Variants in DCAF8L2 observed in about 807,000 individuals in gnomAD.
DCAF8L2 encodes DDB1- and CUL4-associated factor 8-like protein 2.
For synonymous variants in DCAF8L2, 200 were observed against 190.9 expected (o/e 1.05, Z -0.39); for missense variants, 430 against 490.7 (o/e 0.88, Z 1.17).
chrX:27,691,939 G>A (rs1327832060), intron 3 of DCAF8L2, among the ~76,000 whole-genome samples: 1 of 111,856 alleles, frequency 8.9e-6, no homozygotes, highest in East Asian at 2.8e-4. Context: ...ATTTAGATTC[G>A]AGTTTTGAAA....
the DCAF8L2 span, among the ~76,000 whole-genome samples, chrX:27,569,747 A>G: frequency 1.8e-5 from 2 of 112,005 alleles, no homozygotes; most frequent in Admixed American, 1.9e-4. Flanking sequence ...CATGACACAA[A>G]CATAATAGGG....
chrX:27,743,386 G>A (rs1921972538), intron 4 of DCAF8L2, among the ~76,000 whole-genome samples: 1 of 110,203 alleles, frequency 9.1e-6, no homozygotes, highest in South Asian at 3.9e-4. Flanking sequence ...GACATGTGCT[G>A]TTTACAAATA....
chrX:27,472,347 C>G, the DCAF8L2 span, among the ~76,000 whole-genome samples: 1 of 111,882 alleles, frequency 8.9e-6, no homozygotes. Flanking sequence ...TGATCTCTCT[C>G]CCTTAAAGTA....
At chrX:27,549,363 TTAAC>T in the DCAF8L2 span, among the ~76,000 whole-genome samples, 1 of 109,221 alleles carries the variant, frequency 9.2e-6, no homozygotes, top group Non-Finnish European at 1.9e-5. Context: ...ATAATGATAT[TTAAC>T]TAACTGCCAT....
At position 27,704,217 on chromosome X, in the gene DCAF8L2, C is replaced by T. The variant is rs757247896; in HGVS notation, c.-142-11871C>T. ...ATGTATATACACATGTACACACGCG[C>T]GCACATGTGCGTGTACACACGTGCG... On this transcript the variant is annotated intron_variant, in intron 3 of 4. Coordinates refer to ENST00000451261, the MANE Select transcript of DCAF8L2 (RefSeq NM_001353450.2). Among the ~76,000 whole-genome samples the T allele has an allele frequency of 2.6e-3, 237 of 90,899 alleles. 3 individuals carry two copies. Among genetic ancestry groups the T allele is most frequent in the African/African-American group, 0.011 (214 of 20,194 alleles). The allele number at this position is 90,899 out of a possible 115,157, so 78.9% of individuals were successfully genotyped here.
chrX:27,541,972 CACTTAGGATA>C, the DCAF8L2 span, among the ~76,000 whole-genome samples: 1 of 111,824 alleles, frequency 8.9e-6, no homozygotes, highest in Non-Finnish European at 1.9e-5. Context: ...TGCATTAATT[CACTTAGGATA>C]ACCGCCTCCA....
chrX:27,714,196 T>C (rs73534383), intron 3 of DCAF8L2, among the ~76,000 whole-genome samples: 5,853 of 111,451 alleles, frequency 0.053, 372 homozygotes, highest in African/African-American at 0.18. Flanking sequence ...CATTTTATAA[T>C]AGAAAAAAAG....
the DCAF8L2 span, among the ~76,000 whole-genome samples, chrX:27,491,748 GT>G: frequency 5.5e-5 from 6 of 108,579 alleles, no homozygotes; most frequent in Admixed American, 9.9e-5. Flanking sequence ...TACTTTCAGT[GT>G]TTTTTTTTAA....
At chrX:27,730,996 C>T (rs1246317720) in intron 4 of DCAF8L2, among the ~76,000 whole-genome samples, 4 of 111,101 alleles carry the variant, frequency 3.6e-5, no homozygotes, top group African/African-American at 6.6e-5. Flanking sequence ...GAATCAAGTA[C>T]GGTATCTTGA....
chrX:27,673,015 A>T (rs1257072568), intron 2 of DCAF8L2, among the ~76,000 whole-genome samples: 3 of 111,111 alleles, frequency 2.7e-5, no homozygotes, highest in Non-Finnish European at 3.8e-5. Context: ...AGCCCTGAAG[A>T]AGTTTTGGGT....
At chrX:27,614,833 T>A (rs1927379415) in intron 1 of DCAF8L2, among the ~76,000 whole-genome samples, 1 of 111,633 alleles carries the variant, frequency 9.0e-6, no homozygotes, top group Non-Finnish European at 1.9e-5. Context: ...TGTTGTGATT[T>A]CCATTCTTTT....
At chrX:27,521,800 G>T in the DCAF8L2 span, among the ~76,000 whole-genome samples, 2 of 111,275 alleles carry the variant, frequency 1.8e-5, no homozygotes, top group African/African-American at 6.5e-5. Flanking sequence ...ATATTTATTA[G>T]AACGAAAAAG....
At chrX:27,497,549 C>CTTTCT in the DCAF8L2 span, among the ~76,000 whole-genome samples, 77 of 64,440 alleles carry the variant, frequency 1.2e-3, 1 homozygote, top group African/African-American at 3.6e-3. Flanking sequence ...TCCTTCCTTC[C>CTTTCT]TTCTTTCTTT....
At chrX:27,672,126 T>C (rs1003623354) in intron 2 of DCAF8L2, among the ~76,000 whole-genome samples, 4 of 111,979 alleles carry the variant, frequency 3.6e-5, no homozygotes, top group African/African-American at 1.3e-4. Context: ...TTTTCACATA[T>C]ATAAAGATTC....
the DCAF8L2 span, among the ~76,000 whole-genome samples, chrX:27,551,794 T>C: frequency 8.9e-6 from 1 of 112,207 alleles, no homozygotes; most frequent in African/African-American, 3.2e-5. Flanking sequence ...GCAATAAAAA[T>C]GGGAATGCAG....
chrX:27,584,005 T>C, the DCAF8L2 span, among the ~76,000 whole-genome samples: 1 of 112,113 alleles, frequency 8.9e-6, no homozygotes, highest in Admixed American at 9.5e-5. Flanking sequence ...CTACATTCTC[T>C]GTGCTTGCAC....
At chrX:27,719,100 A>G (rs1396373741) in intron 4 of DCAF8L2, among the ~76,000 whole-genome samples, 1 of 111,702 alleles carries the variant, frequency 9.0e-6, no homozygotes, top group Non-Finnish European at 1.9e-5. Context: ...CTGGGTCATG[A>G]AAAGTGCATA....
At chrX:27,546,292 T>A in the DCAF8L2 span, among the ~76,000 whole-genome samples, 11 of 112,033 alleles carry the variant, frequency 9.8e-5, no homozygotes, top group African/African-American at 3.2e-4. Flanking sequence ...GCATGCATGG[T>A]CTTGGGCAGC....
chrX:27,598,799 A>G (rs111791160), intron 1 of DCAF8L2, among the ~76,000 whole-genome samples: 3,220 of 109,823 alleles, frequency 0.029, 37 homozygotes, highest in Middle Eastern at 0.047. Context: ...CTGCAACAAC[A>G]TAACTACCTT....
Sources: gnomAD v4.1 joint callset for allele counts (sites outside exome capture counted in the v4.1 genomes callset) on GRCh38, gnomAD v4.1.1 for gene constraint, MANE v1.5 for transcripts, NCBI Gene and HGNC (gene_info 2026-07-23, HGNC 2026-07-21) for gene names.